PIP5K1C: variants seen among roughly 807,000 people sequenced by gnomAD.
PIP5K1C encodes phosphatidylinositol 4-phosphate 5-kinase type-1 gamma.
Under a neutral mutation model 80.1 loss-of-function variants are expected in PIP5K1C, and 45 were observed. The observed-to-expected ratio is 0.56, with a 90% CI of 0.44 to 0.72. PIP5K1C has a LOEUF of 0.72. PIP5K1C is among the 30% of genes least tolerant of loss of function. The probability of loss-of-function intolerance (pLI) is 0.00; values close to 1 mark genes in which losing one functional copy is unlikely to be tolerated. For missense variants in PIP5K1C, 753 were observed against 954.6 expected, an observed-to-expected ratio of 0.79 and a Z score of 2.78; for synonymous variants, 498 against 420.1, an observed-to-expected ratio of 1.19 and a Z score of -2.27.
In PIP5K1C at chr19:3,644,099, G is replaced by A. The variant is rs1172571209; in HGVS notation, c.1498C>T (p.Leu500=). 6.2e-7 allele frequency: 1 copy of A among 1,611,234 alleles called. No individual in the cohort carries two copies. Among genetic ancestry groups the A allele is most frequent in the Non-Finnish European group, 8.5e-7 (1 of 1,179,810 alleles). Residue 500 remains leucine, a synonymous_variant, in exon 12 of 18, where the codon CTG becomes TTG. Coordinates refer to ENST00000335312, the MANE Select transcript of PIP5K1C (RefSeq NM_012398.3). ...CTCTGCCCCTCACCTTCGTCCTCCAGCGTGGGGTAGCTGCGGGCCCCCCGC... is the reference window on the plus strand; with the variant it reads ...CTCTGCCCCTCACCTTCGTCCTCCAACGTGGGGTAGCTGCGGGCCCCCCGC... ...DLRGARSYPT[L]EDEGRPDLLP... is the part of the protein sequence containing the mutation.
In PIP5K1C at chr19:3,659,872, C is replaced by T. The variant is rs548695861; in HGVS notation, c.468+1094G>A. Among the ~76,000 whole-genome samples, 6 of 152,338 alleles carry T rather than the reference C, an allele frequency of 3.9e-5. No homozygotes were observed. In the East Asian group the frequency reaches 5.8e-4, roughly 15 times the overall value. On this transcript the variant is annotated intron_variant, in intron 5 of 17. Transcript: ENST00000335312. ...AAGAAAGGCACAAGGAACCGACCAC[C>T]GCGGGTGAGGGCAGGATCGGAGAAC... is the stretch of plus-strand genomic sequence containing the variant.
intron 1 of PIP5K1C, among the ~76,000 whole-genome samples, chr19:3,699,753 G>A (rs1179430005): frequency 6.6e-6 from 1 of 152,182 alleles, no homozygotes; most frequent in Non-Finnish European, 1.5e-5. Context: ...CCTGGGGGAA[G>A]GCTCGGGGAG....
intron 17 of PIP5K1C, 106 bp downstream of exon 17, chr19:3,633,331 C>T (rs1599908295): frequency 2.3e-6 from 2 of 854,948 alleles, no homozygotes; most frequent in East Asian, 5.6e-5. Flanking sequence ...CCACCTGTGC[C>T]CTCCCGCCCC....
Position 3,643,308 on chromosome 19 carries a change from C to T in PIP5K1C, c.1584G>A (p.Leu528=). 2 of 1,614,024 alleles carry T rather than the reference C, an allele frequency of 1.2e-6. No individual in the cohort carries two copies. Among genetic ancestry groups the T allele is most frequent in the South Asian group, 1.1e-5 (1 of 91,088 alleles). The change falls in exon 13 of 18, where the codon CTG becomes CTA. Residue 528 remains leucine, a synonymous_variant. Coordinates refer to ENST00000335312, the MANE Select transcript of PIP5K1C (RefSeq NM_012398.3). ...EATTASIATT[L]SSTSLSIPER... is the part of the protein sequence containing the mutation. ...CAGGAATGGAGAGGGATGTGGATGA[C>T]AGAGTCGTGGCAATGGAGGCTGTAG...
At chr19:3,633,770 C>G (rs568638733) in intron 16 of PIP5K1C, among the ~76,000 whole-genome samples, 13 of 152,166 alleles carry the variant, frequency 8.5e-5, no homozygotes, top group East Asian at 1.9e-4. Context: ...TTAGTTCAGT[C>G]GAGGCAGGGC....
At chr19:3,670,964 G>A (rs929414858) in intron 1 of PIP5K1C, among the ~76,000 whole-genome samples, 27 of 152,268 alleles carry the variant, frequency 1.8e-4, no homozygotes, top group African/African-American at 5.8e-4. Flanking sequence ...GCTCTGGGCC[G>A]CGGCGGGGCG....
In PIP5K1C at chr19:3,667,457, T is replaced by TA. The variant is rs1429891702; in HGVS notation, c.95-105dup. ...TCTGGCGCCCCAGGCCTGGCGTGTG[T>TA]AACTCCGCGTGGGGCTGGTCTCAAG... On this transcript the variant is annotated intron_variant, in intron 1 of 17. Coordinates refer to ENST00000335312, the MANE Select transcript of PIP5K1C (RefSeq NM_012398.3). 3.4e-5 allele frequency: 42 copies of TA among 1,223,546 alleles called. No homozygotes were observed. The Middle Eastern group carries it at 7.5e-4, about 22-fold the overall frequency. 75.8% of individuals were successfully genotyped at this position (1,223,546 alleles called of 1,614,324 possible). A position where few individuals can be genotyped will look rare whatever the true frequency, so the allele number is the denominator to read the frequency against.
chr19:3,678,501 T>C (rs1442252061), intron 1 of PIP5K1C, among the ~76,000 whole-genome samples: 1 of 48,744 alleles, frequency 2.1e-5, no homozygotes, highest in African/African-American at 8.9e-5. Flanking sequence ...GCAAGGAGGA[T>C]GGAAGGATGG....
intron 1 of PIP5K1C, among the ~76,000 whole-genome samples, chr19:3,671,183 A>G (rs2145528782): frequency 6.6e-6 from 1 of 152,090 alleles, no homozygotes; most frequent in Non-Finnish European, 1.5e-5. Flanking sequence ...TCCTGACTCT[A>G]CTCGCGAAAC....
In PIP5K1C at chr19:3,656,488, T is replaced by C; in HGVS notation, c.538A>G (p.Thr180Ala). The change falls in exon 6 of 18, where the codon ACC becomes GCC. Residue 180 changes from threonine to alanine, a missense_variant. Physicochemically the swap from Thr to Ala is moderately conservative, Grantham distance 58 (BLOSUM62 0). Around this residue, in one of 6 missense-constraint regions of PIP5K1C, gnomAD observed 139 missense variants for 289.7 expected, o/e 0.48. Coordinates refer to ENST00000335312, the MANE Select transcript of PIP5K1C (RefSeq NM_012398.3). The part of the protein sequence containing the change: ...PGASGSLFYV[T>A]SDDEFIIKTV... ...TTGATGATGAACTCGTCGTCGCTGG[T>C]GACGTAGAAGAGGGAGCCACTGGCG... The C allele has an allele frequency of 6.2e-7, 1 of 1,613,668 alleles. No individual in the cohort carries two copies. Among genetic ancestry groups the C allele is most frequent in the Non-Finnish European group, 8.5e-7 (1 of 1,179,986 alleles).
At position 3,648,768 on chromosome 19, in the gene PIP5K1C, G is replaced by A. The variant is rs149082264; in HGVS notation, c.1128-60C>T. 13 of 1,462,046 alleles carry A rather than the reference G, an allele frequency of 8.9e-6. No homozygotes were observed. Among genetic ancestry groups the A allele is most frequent in the Middle Eastern group, 1.7e-4 (1 of 5,764 alleles). The allele number at this position is 1,462,046 out of a possible 1,614,324, so 90.6% of individuals were successfully genotyped here. ...CGCAGAGCTGGGACTCGGGGCAGGC[G>A]GGGCTGGGGACTCCAGGGCTAGGGA... On this transcript the variant is annotated intron_variant, in intron 8 of 17. Coordinates refer to ENST00000335312, the MANE Select transcript of PIP5K1C (RefSeq NM_012398.3). This position sits in a 1 kb window ranked among gnomAD's most constrained non-coding sequence, Gnocchi z 4.3.
chr19:3,690,607 C>G (rs1332515960), intron 1 of PIP5K1C, among the ~76,000 whole-genome samples: 1 of 151,906 alleles, frequency 6.6e-6, no homozygotes, highest in Admixed American at 6.6e-5. Flanking sequence ...ACTAGGAAAC[C>G]AGAAAAGGAA....
intron 14 of PIP5K1C, among the ~76,000 whole-genome samples, chr19:3,642,500 A>G (rs1229509233): frequency 2.0e-5 from 3 of 152,208 alleles, no homozygotes; most frequent in African/African-American, 7.2e-5. Context: ...GTCAAAATAA[A>G]AGGGAACCAC....
Position 3,650,658 on chromosome 19 carries a change from C to T in PIP5K1C, c.1127+1168G>A, listed in dbSNP as rs548926417. Among the ~76,000 whole-genome samples the T allele has an allele frequency of 2.8e-4, 42 of 152,372 alleles. 1 individual carries two copies. The East Asian group carries it at 7.9e-3, about 29-fold the overall frequency. Reference sequence around the variant, plus strand: ...ACCCTGAGCCCTGTGAGGGCAGGGCCTGCCTGGTCCCTCTGCCCCTGGTGT... The same window carrying T: ...ACCCTGAGCCCTGTGAGGGCAGGGCTTGCCTGGTCCCTCTGCCCCTGGTGT... On this transcript the variant is annotated intron_variant, in intron 8 of 17. Transcript: ENST00000335312.
chr19:3,686,330 G>T (rs1440489244), intron 1 of PIP5K1C, among the ~76,000 whole-genome samples: 1 of 151,908 alleles, frequency 6.6e-6, no homozygotes, highest in African/African-American at 2.4e-5. Flanking sequence ...TGAGGCAGGA[G>T]AATGGCATGA....
intron 1 of PIP5K1C, among the ~76,000 whole-genome samples, chr19:3,697,136 G>A (rs955723625): frequency 2.0e-5 from 3 of 151,286 alleles, no homozygotes; most frequent in South Asian, 4.2e-4. Flanking sequence ...AAGGAGGACT[G>A]AGCCGGACGA....
rs762368227 is a variant in PIP5K1C at position 3,648,750 on chromosome 19, C to G, written c.1128-42G>C. The G allele has an allele frequency of 8.9e-6, 14 of 1,569,518 alleles. No individual in the cohort carries two copies. The East Asian group carries it at 2.5e-4, about 28-fold the overall frequency. On this transcript the variant is annotated intron_variant, in intron 8 of 17. Coordinates refer to ENST00000335312, the MANE Select transcript of PIP5K1C (RefSeq NM_012398.3). The surrounding 1 kb of genome is among the most constrained non-coding windows in gnomAD (Gnocchi z 4.3). The stretch of plus-strand genomic sequence containing the variant: ...AGGGTACCATCAGCATCCCGCAGAG[C>G]TGGGACTCGGGGCAGGCGGGGCTGG...
intron 8 of PIP5K1C, among the ~76,000 whole-genome samples, chr19:3,651,581 C>T (rs926783763): frequency 6.6e-6 from 1 of 152,240 alleles, no homozygotes; most frequent in Non-Finnish European, 1.5e-5. Flanking sequence ...GGCCCAGTCA[C>T]GGGTGAATGG....
chr19:3,653,409 TCTC>T lies in PIP5K1C; in HGVS notation c.799_801del (p.Glu267del). ...TTGTAGGTGGGGAAGCTCTTCTCCT[TCTC>T]CTTCTTGCTGGCGCGCCGCTTGTAG... On this transcript the variant is annotated inframe_deletion, in exon 7 of 18. Coordinates refer to ENST00000335312, the MANE Select transcript of PIP5K1C (RefSeq NM_012398.3). The T allele has an allele frequency of 6.2e-7, 1 of 1,613,284 alleles. No individual in the cohort carries two copies. The highest frequency in any genetic ancestry group is 2.2e-5 in the East Asian group (1 of 44,886).
Sources: gnomAD v4.1 joint callset for allele counts (sites outside exome capture counted in the v4.1 genomes callset) on GRCh38, gnomAD v4.1.1 for gene constraint, gnomAD v4.1.1 regional missense constraint, Gnocchi (gnomAD v3.1) non-coding constraint, MANE v1.5 for transcripts, NCBI Gene and HGNC (gene_info 2026-07-23, HGNC 2026-07-21) for gene names.